The following PCDHA4 variants were observed in gnomAD, a reference collection of about 807,000 sequenced individuals.
PCDHA4 encodes protocadherin alpha-4.
In PCDHA4, 49 loss-of-function variants were observed where a neutral mutation model predicts 61.4. The observed-to-expected ratio is 0.80, with a 90% CI of 0.63 to 1.01. The LOEUF (loss-of-function observed/expected upper bound fraction) is 1.01. PCDHA4 is among the 50% of genes least tolerant of loss of function. The pLI, the probability that PCDHA4 is intolerant of heterozygous loss-of-function variation, is 0.00. For synonymous variants in PCDHA4, 590 were observed against 550.3 expected (o/e 1.07, Z -1.01); for missense variants, 1,254 against 1,235.8 (o/e 1.01, Z -0.22).
intron 1 of PCDHA4, chr5:140,883,009 T>C (rs782092684): frequency 1.2e-6 from 2 of 1,614,126 alleles, no homozygotes; most frequent in South Asian, 2.2e-5. Flanking sequence ...AATCCGTTTA[T>C]AAAGTGACGG....
chr5:140,829,140 T>A (rs2150162914), intron 1 of PCDHA4: 1 of 1,613,462 alleles, frequency 6.2e-7, no homozygotes, highest in Non-Finnish European at 8.5e-7. Flanking sequence ...GTCCCTGAGA[T>A]AGCACTGACT....
rs577899528 is a variant in PCDHA4 at position 140,808,722 on chromosome 5, C to A, written c.1535C>A (p.Ala512Glu). The change falls in exon 1 of 4, where the codon GCG becomes GAG. Residue 512 changes from alanine to glutamate, a missense_variant. Coordinates refer to ENST00000530339, the MANE Select transcript of PCDHA4 (RefSeq NM_018907.4). ...RALSSYVSVH[A>E]ESGKVYALQP... ...CTGTCGAGCTACGTTTCGGTGCATGCGGAGAGCGGCAAGGTGTACGCGCTG... is the reference window on the plus strand; with the variant it reads ...CTGTCGAGCTACGTTTCGGTGCATGAGGAGAGCGGCAAGGTGTACGCGCTG... 3.7e-6 allele frequency: 6 copies of A among 1,612,134 alleles called. No homozygotes were observed. The highest frequency in any genetic ancestry group is 1.7e-5 in the Admixed American group (1 of 60,020).
chr5:140,815,283 T>C (rs1765689291), intron 1 of PCDHA4: 1 of 152,134 alleles, frequency 6.6e-6, no homozygotes, highest in Admixed American at 6.5e-5. Flanking sequence ...CCTCTTACTG[T>C]CTTCCTTTGT....
intron 1 of PCDHA4, among the ~76,000 whole-genome samples, chr5:140,978,326 G>A: frequency 6.6e-6 from 1 of 152,202 alleles, no homozygotes; most frequent in East Asian, 1.9e-4. Flanking sequence ...ACAAGTACAA[G>A]TTTATGAAAA....
At chr5:140,829,657 G>A (rs1554132157) in intron 1 of PCDHA4, 2 of 1,612,592 alleles carry the variant, frequency 1.2e-6, no homozygotes, top group Non-Finnish European at 1.7e-6. Flanking sequence ...CGCTGCAGCC[G>A]CTGGACCACG....
intron 1 of PCDHA4, among the ~76,000 whole-genome samples, chr5:140,871,887 G>T (rs1294459270): frequency 6.6e-6 from 1 of 152,170 alleles, no homozygotes; most frequent in Non-Finnish European, 1.5e-5. Flanking sequence ...GCTCCTCTTT[G>T]TCTTTTAGCA....
chr5:140,903,401 T>C (rs577425497), intron 1 of PCDHA4, among the ~76,000 whole-genome samples: 1 of 152,218 alleles, frequency 6.6e-6, no homozygotes, highest in Non-Finnish European at 1.5e-5. Context: ...GAAACAGTAG[T>C]GCAGTCAGGA....
intron 1 of PCDHA4, chr5:140,856,365 A>C: frequency 3.1e-6 from 5 of 1,598,426 alleles, no homozygotes; most frequent in Non-Finnish European, 2.6e-6. Flanking sequence ...ATCCACCTGG[A>C]GGTGATCGTG....
chr5:140,840,527 A>G (rs1776748487), intron 1 of PCDHA4, among the ~76,000 whole-genome samples: 1 of 152,080 alleles, frequency 6.6e-6, no homozygotes, highest in African/African-American at 2.4e-5. Context: ...AGAAAGATGA[A>G]GAACTAACAA....
At position 140,849,901 on chromosome 5, in the gene PCDHA4, C is replaced by T. The variant is rs1554143464; in HGVS notation, c.2385+40329C>T. On this transcript the variant is annotated intron_variant, in intron 1 of 3. Coordinates refer to ENST00000530339, the MANE Select transcript of PCDHA4 (RefSeq NM_018907.4). ...ACGGTGTTCGTGAAGGAGAACAACC[C>T]GCCGGGCTGCCACATCTTCACGGTG... 8.1e-6 allele frequency: 13 copies of T among 1,598,462 alleles called. 2 individuals are homozygous for T. The highest frequency in any genetic ancestry group is 1.1e-5 in the South Asian group (1 of 90,542).
intron 1 of PCDHA4, among the ~76,000 whole-genome samples, chr5:140,960,521 A>C (rs950989969): frequency 9.9e-5 from 15 of 152,162 alleles, no homozygotes; most frequent in Non-Finnish European, 1.5e-5. Context: ...CATAATGGGT[A>C]TAGGAAAGAG....
intron 3 of PCDHA4, among the ~76,000 whole-genome samples, chr5:141,005,571 G>A (rs1053042213): frequency 4.0e-5 from 6 of 151,334 alleles, no homozygotes; most frequent in African/African-American, 4.9e-5. Context: ...GCATGGTGGC[G>A]CGTGCCTGTA....
chr5:140,808,972 C>A lies in PCDHA4; in HGVS notation c.1785C>A (p.Arg595=), dbSNP rs1253536001. Residue 595 remains arginine (R), a synonymous_variant, in exon 1 of 4, where the codon CGC becomes CGA. Transcript: ENST00000530339. ...TGGGCCACGTGGTGGCAAAGGTGCG[C>A]GCGGTGGATGCTGACTCGGGCTACA... ...VGVGHVVAKV[R]AVDADSGYNA... The A allele has an allele frequency of 3.1e-6, 5 of 1,613,490 alleles. No individual in the cohort carries two copies. The highest frequency in any genetic ancestry group is 4.2e-6 in the Non-Finnish European group (5 of 1,179,718).
At chr5:140,842,015 G>C in intron 1 of PCDHA4, 1 of 1,613,814 alleles carries the variant, frequency 6.2e-7, no homozygotes, top group East Asian at 2.2e-5. Flanking sequence ...GCTGGTCACA[G>C]TGCTGGATGT....
At chr5:140,961,387 C>T (rs1249667395) in intron 1 of PCDHA4, among the ~76,000 whole-genome samples, 1 of 152,148 alleles carries the variant, frequency 6.6e-6, no homozygotes, top group Admixed American at 6.5e-5. Flanking sequence ...TTGAACTATT[C>T]CATTAGTAAA....
intron 1 of PCDHA4, chr5:140,967,572 A>T (rs782502082): frequency 4.3e-6 from 7 of 1,613,544 alleles, no homozygotes; most frequent in Middle Eastern, 3.3e-4. Flanking sequence ...CTACGGGAGG[A>T]CTCACCCCCA....
chr5:140,994,275 T>C (rs1296337913), intron 3 of PCDHA4, among the ~76,000 whole-genome samples: 1 of 152,156 alleles, frequency 6.6e-6, no homozygotes, highest in African/African-American at 2.4e-5. Flanking sequence ...AGGCTGCCTT[T>C]CTTGAGACAG....
At chr5:140,894,960 A>G (rs1277191439) in intron 1 of PCDHA4, among the ~76,000 whole-genome samples, 1 of 152,170 alleles carries the variant, frequency 6.6e-6, no homozygotes, top group African/African-American at 2.4e-5. Context: ...ATAAAAATAT[A>G]ATTTTTTAAT....
intron 1 of PCDHA4, chr5:140,868,455 A>C (rs2050469160): frequency 6.6e-6 from 1 of 152,444 alleles, no homozygotes; most frequent in Non-Finnish European, 1.5e-5. Flanking sequence ...TAAACACTAA[A>C]GAGCTGCTTT....
Sources: gnomAD v4.1 joint callset for allele counts (sites outside exome capture counted in the v4.1 genomes callset) on GRCh38, gnomAD v4.1.1 for gene constraint, MANE v1.5 for transcripts, NCBI Gene and HGNC (gene_info 2026-07-23, HGNC 2026-07-21) for gene names.